Variants in TRMT61B observed in about 807,000 individuals in gnomAD.
TRMT61B encodes tRNA (adenine(58)-N(1))-methyltransferase, mitochondrial.
A neutral mutation model predicts 52.0 loss-of-function variants in TRMT61B; 56 were observed. The ratio of observed to expected loss-of-function variants is 1.08; its 90% CI spans 0.87 to 1.35. TRMT61B has a LOEUF of 1.35. Ranked by LOEUF, TRMT61B falls within the 40% of genes most tolerant of loss-of-function variation. TRMT61B has a pLI of 0.00. For synonymous variants in TRMT61B, 206 were observed against 220.0 expected (o/e 0.94, Z 0.56); for missense variants, 650 against 577.9 (o/e 1.12, Z -1.28).
chr2:28,862,506 G>GCTATACAGCAACTAAAATGAAAGAAC (rs1669651556), intron 2 of TRMT61B, among the ~76,000 whole-genome samples: 1 of 150,940 alleles, frequency 6.6e-6, no homozygotes, highest in Admixed American at 6.6e-5. Flanking sequence ...CTAACTTTTT[G>GCTATACAGCAACTAAAATGAAAGAAC]TATTTTTGGT....
chr2:28,869,748 A>T lies in TRMT61B; in HGVS notation c.530T>A (p.Phe177Tyr), dbSNP rs1558353103. 1 of 1,614,216 alleles carries T rather than the reference A, an allele frequency of 6.2e-7. No individual in the cohort carries two copies. Among genetic ancestry groups the T allele is most frequent in the South Asian group, 1.1e-5 (1 of 91,088 alleles). Residue 177 changes from phenylalanine to tyrosine, a missense_variant, in exon 1 of 7, where the codon TTC becomes TAC. Transcript: ENST00000306108. ...CCCCCAGTTACTATTTAAGAGTCCG[A>T]AGTTGTTCAACCTAAATAATTTCTT... ...KFKKLFRLNN[F>Y]GLLNSNWGAV... is the part of the protein sequence containing the mutation.
chr2:28,862,626 C>T (rs1232425077), intron 2 of TRMT61B, among the ~76,000 whole-genome samples: 1 of 151,666 alleles, frequency 6.6e-6, no homozygotes, highest in Non-Finnish European at 1.5e-5. Context: ...AGCCACCATG[C>T]TCAGCCTTTT....
intron 2 of TRMT61B, 28 bp downstream of exon 2, chr2:28,864,989 T>G: frequency 6.6e-5 from 87 of 1,310,026 alleles, no homozygotes; most frequent in Middle Eastern, 1.8e-4. Flanking sequence ...TCTTTGTTAC[T>G]GAGATCCAGC....
intron 3 of TRMT61B, among the ~76,000 whole-genome samples, chr2:28,859,281 G>A (rs1183104129): frequency 6.6e-6 from 1 of 151,804 alleles, no homozygotes; most frequent in East Asian, 2.0e-4. Flanking sequence ...GGGTTTCACC[G>A]TGTTAGCCAG....
intron 2 of TRMT61B, among the ~76,000 whole-genome samples, chr2:28,864,192 C>T (rs1669730609): frequency 6.6e-6 from 1 of 151,994 alleles, no homozygotes; most frequent in African/African-American, 2.4e-5. Context: ...TTTATGAACA[C>T]CTACTATAAT....
intron 3 of TRMT61B, among the ~76,000 whole-genome samples, chr2:28,858,341 A>G (rs1302611358): frequency 1.3e-5 from 2 of 151,844 alleles, no homozygotes; most frequent in Non-Finnish European, 1.5e-5. Context: ...CGCCCGGCTA[A>G]TTCTTTTATT....
At chr2:28,866,344 C>G (rs1669849177) in intron 1 of TRMT61B, among the ~76,000 whole-genome samples, 1 of 152,184 alleles carries the variant, frequency 6.6e-6, no homozygotes, top group African/African-American at 2.4e-5. Context: ...CGGTCCCCAA[C>G]CTTTTGGGCA....
chr2:28,865,054 T>C lies in TRMT61B; in HGVS notation c.765A>G (p.Ser255=), dbSNP rs774927076. ...NPGDTVLEAG[S]GSGGMSLFLS... Reference sequence around the variant, plus strand: ...AAAATAAGCTCATTCCACCAGAGCCTGAGCCAGCTTCCAAAACAGTATCAC... The same window carrying C: ...AAAATAAGCTCATTCCACCAGAGCCCGAGCCAGCTTCCAAAACAGTATCAC... The change falls in exon 2 of 7, where the codon TCA becomes TCG. Residue 255 remains serine (S), a synonymous_variant. Transcript: ENST00000306108. 1 of 1,613,314 alleles carries C rather than the reference T, an allele frequency of 6.2e-7. No homozygotes were observed. The highest frequency in any genetic ancestry group is 8.5e-7 in the Non-Finnish European group (1 of 1,179,344).
chr2:28,859,901 G>A (rs1211971057), intron 3 of TRMT61B, among the ~76,000 whole-genome samples: 1 of 152,040 alleles, frequency 6.6e-6, no homozygotes, highest in Non-Finnish European at 1.5e-5. Context: ...AAGAACTGAG[G>A]TCTTTCTGTA....
At position 28,866,378 on chromosome 2, in the gene TRMT61B, C is replaced by T. The variant is rs115522276; in HGVS notation, c.700-1259G>A. Among the ~76,000 whole-genome samples the T allele has an allele frequency of 5.8e-3, 877 of 152,298 alleles. 7 individuals are homozygous for T. The highest frequency in any genetic ancestry group is 0.02 in the African/African-American group (833 of 41,552). ...CACTAGGGACCCGTTTCGTGGAAGA[C>T]AGTTTTTCCACAGACTGGGGAGAGG... is the stretch of plus-strand genomic sequence containing the variant. On this transcript the variant is annotated intron_variant, in intron 1 of 6. Coordinates refer to ENST00000306108, the MANE Select transcript of TRMT61B (RefSeq NM_017910.4).
chr2:28,866,410 G>A (rs1054190153), intron 1 of TRMT61B, among the ~76,000 whole-genome samples: 15 of 152,188 alleles, frequency 9.9e-5, no homozygotes, highest in African/African-American at 3.4e-4. Flanking sequence ...GAGGGGGATG[G>A]TTTTGGGATG....
intron 1 of TRMT61B, among the ~76,000 whole-genome samples, chr2:28,867,427 A>C (rs1669898262): frequency 6.6e-6 from 1 of 152,190 alleles, no homozygotes; most frequent in African/African-American, 2.4e-5. Flanking sequence ...AGATGGAATT[A>C]TGTAATTCTA....
At chr2:28,868,949 A>G (rs993160070) in intron 1 of TRMT61B, among the ~76,000 whole-genome samples, 3 of 152,156 alleles carry the variant, frequency 2.0e-5, no homozygotes, top group African/African-American at 7.2e-5. Flanking sequence ...GGTTGCAGGG[A>G]GCCAAGATCG....
Position 28,861,167 on chromosome 2 carries a change from T to C in TRMT61B, c.944A>G (p.Lys315Arg). ...GTCTTCGGTTGCTCCTGAAATGTCC[T>C]TATGAATAAAATCCACATTGTCTGG... ...EWPDNVDFIHKDISGATEDIK... is the reference protein window; with the variant it reads ...EWPDNVDFIHRDISGATEDIK... Residue 315 changes from lysine (K) to arginine (R), a missense_variant, in exon 3 of 7, where the codon AAG becomes AGG. Lys to Arg is a conservative substitution (Grantham distance 26, BLOSUM62 2). Coordinates refer to ENST00000306108, the MANE Select transcript of TRMT61B (RefSeq NM_017910.4). The C allele has an allele frequency of 6.2e-7, 1 of 1,611,602 alleles. No homozygotes were observed. The highest frequency in any genetic ancestry group is 8.5e-7 in the Non-Finnish European group (1 of 1,179,438).
intron 1 of TRMT61B, among the ~76,000 whole-genome samples, chr2:28,868,848 A>G (rs1669959243): frequency 6.6e-6 from 1 of 152,204 alleles, no homozygotes; most frequent in South Asian, 2.1e-4. Context: ...CCCCGTCTCT[A>G]CAAAAATTAG....
rs761067610 is a variant in TRMT61B at position 28,869,714 on chromosome 2, C to A, written c.564G>T (p.Pro188=). Residue 188 remains proline, a synonymous_variant, in exon 1 of 7, where the codon CCG becomes CCT. Coordinates refer to ENST00000306108, the MANE Select transcript of TRMT61B (RefSeq NM_017910.4). ...GGAACTTCCCCACGATCTTGCCGAA[C>A]GGGACTGCCCCCCAGTTACTATTTA... The part of the protein sequence containing the change: ...GLLNSNWGAV[P]FGKIVGKFPG... 1 of 1,614,160 alleles carries A rather than the reference C, an allele frequency of 6.2e-7. No homozygotes were observed. The highest frequency in any genetic ancestry group is 1.3e-5 in the African/African-American group (1 of 75,046).
intron 1 of TRMT61B, 123 bp downstream of exon 1, chr2:28,869,456 G>T: frequency 1.5e-6 from 1 of 650,664 alleles, no homozygotes. Context: ...TATTTTAAAA[G>T]CCTGAGTACA....
At chr2:28,866,145 A>T (rs1054518062) in intron 1 of TRMT61B, among the ~76,000 whole-genome samples, 4 of 146,228 alleles carry the variant, frequency 2.7e-5, no homozygotes, top group Admixed American at 6.9e-5. Context: ...ACCCACCACC[A>T]CACCCAGCTA....
intron 1 of TRMT61B, among the ~76,000 whole-genome samples, chr2:28,866,163 G>C (rs1233925030): frequency 6.6e-6 from 1 of 151,018 alleles, no homozygotes; most frequent in Non-Finnish European, 1.5e-5. Flanking sequence ...CTAATTTTTT[G>C]TATTTTTAGT....
Sources: gnomAD v4.1 joint callset for allele counts (sites outside exome capture counted in the v4.1 genomes callset) on GRCh38, gnomAD v4.1.1 for gene constraint, MANE v1.5 for transcripts, NCBI Gene and HGNC (gene_info 2026-07-23, HGNC 2026-07-21) for gene names.